Variants in RAB40B observed in about 807,000 individuals in gnomAD.
RAB40B encodes the protein ras-related protein Rab-40B.
In RAB40B, 21 loss-of-function variants were observed where a neutral mutation model predicts 24.0. The observed-to-expected ratio is 0.88, with a 90% CI of 0.62 to 1.26. The LOEUF is 1.26. RAB40B is among the 50% of genes most tolerant of loss of function. The pLI is 0.00. For synonymous variants in RAB40B, 167 were observed against 169.8 expected, an observed-to-expected ratio of 0.98 and a Z score of 0.13; for missense variants, 348 against 390.5, an observed-to-expected ratio of 0.89 and a Z score of 0.92.
At chr17:82,676,526 C>T (rs2143515592) in intron 1 of RAB40B, among the ~76,000 whole-genome samples, 1 of 152,116 alleles carries the variant, frequency 6.6e-6, no homozygotes, top group African/African-American at 2.4e-5. Flanking sequence ...TCTTCCCAGC[C>T]ACCCCTACAA....
Position 82,658,527 on chromosome 17 carries a change from G to A in RAB40B, c.529C>T (p.Arg177Trp), listed in dbSNP as rs759416119. The A allele has an allele frequency of 1.7e-5, 27 of 1,613,006 alleles. No individual in the cohort carries two copies. The highest frequency in any genetic ancestry group is 2.2e-5 in the East Asian group (1 of 44,880). Residue 177 changes from arginine (R) to tryptophan (W), a missense_variant, in exon 5 of 6, where the codon CGG (arginine) becomes TGG (tryptophan). This residue lies in a region of RAB40B where 126 missense variants were observed against 181.0 expected (regional missense o/e 0.70). Coordinates refer to ENST00000571995, the MANE Select transcript of RAB40B (RefSeq NM_006822.3). ...FTELARIVLL[R>W]HGMDRLWRPS... ...CGCCAGAGCCGGTCCATCCCATGCC[G>A]CAGCAGCACGATCCTGGCCAGCTCC...
intron 1 of RAB40B, among the ~76,000 whole-genome samples, chr17:82,693,938 C>T (rs190760742): frequency 1.3e-5 from 2 of 151,292 alleles, no homozygotes; most frequent in Admixed American, 1.3e-4. Context: ...CAAAAATTAG[C>T]CAGGCGTGGT....
rs374112410 is a variant in RAB40B, at chr17:82,674,205, T to C, written c.143-9649A>G. ...AAAATACAAAATTAGCCGGGTGTGG[T>C]GGCGGGTGCCTGTAATCCCAGCCAC... On this transcript the variant is annotated intron_variant, in intron 1 of 5. Coordinates refer to ENST00000571995, the MANE Select transcript of RAB40B (RefSeq NM_006822.3). Among the ~76,000 whole-genome samples the C allele has an allele frequency of 1.9e-4, 29 of 151,746 alleles. No homozygotes were observed. In the East Asian group the frequency reaches 3.5e-3, roughly 18 times the overall value.
intron 4 of RAB40B, chr17:82,658,989 A>G (rs1205426426): frequency 2.3e-6 from 1 of 428,456 alleles, no homozygotes; most frequent in Admixed American, 3.7e-5. Context: ...CAGAGGCTGG[A>G]GCGGTGCAGC....
At chr17:82,669,013 CAAGT>C (rs2046298921) in intron 1 of RAB40B, among the ~76,000 whole-genome samples, 1 of 152,220 alleles carries the variant, frequency 6.6e-6, no homozygotes, top group South Asian at 2.1e-4. Flanking sequence ...CCCAGGTGAC[CAAGT>C]GAGTATCAAG....
At chr17:82,698,348 C>G in intron 1 of RAB40B, 107 bp downstream of exon 1, 3 of 920,366 alleles carry the variant, frequency 3.3e-6, no homozygotes, top group Non-Finnish European at 4.1e-6. Context: ...GACCCCTGCC[C>G]GGTCTCGCGT....
chr17:82,656,571 C>T lies in RAB40B; in HGVS notation c.*1292G>A, dbSNP rs1300522701. 1.3e-5 allele frequency: 2 copies of T among 152,246 alleles called. No homozygotes were observed. Among genetic ancestry groups the T allele is most frequent in the Non-Finnish European group, 2.9e-5 (2 of 68,064 alleles). 9.4% of individuals were successfully genotyped at this position (152,246 alleles called of 1,614,324 possible). The stretch of plus-strand genomic sequence containing the variant: ...AGCTTTTAACTCTCCGCTCTCTCCT[C>T]CTCTGCACTTCTGTTCCGGAAAAGG... On this transcript the variant is annotated 3_prime_UTR_variant, in exon 6 of 6. Coordinates refer to ENST00000571995, the MANE Select transcript of RAB40B (RefSeq NM_006822.3).
intron 1 of RAB40B, among the ~76,000 whole-genome samples, chr17:82,693,306 C>T (rs965197551): frequency 2.0e-5 from 3 of 151,572 alleles, no homozygotes; most frequent in Admixed American, 6.6e-5. Context: ...CAGGCCCGGC[C>T]GACTTGGGCA....
intron 2 of RAB40B, chr17:82,662,024 A>G: frequency 2.0e-6 from 2 of 985,398 alleles, no homozygotes; most frequent in Middle Eastern, 5.2e-4. Context: ...GAACACACCT[A>G]CATCAATGGG....
intron 1 of RAB40B, among the ~76,000 whole-genome samples, chr17:82,679,681 C>T (rs571071353): frequency 3.5e-4 from 47 of 134,934 alleles, no homozygotes; most frequent in Middle Eastern, 3.7e-3. Flanking sequence ...GCAGAGGCCA[C>T]GCCAACCCTG....
At chr17:82,695,638 A>T (rs950247263) in intron 1 of RAB40B, among the ~76,000 whole-genome samples, 5 of 151,174 alleles carry the variant, frequency 3.3e-5, no homozygotes, top group African/African-American at 1.2e-4. Context: ...TGAACCCAGG[A>T]GGGTCAAGGC....
rs184869635 is a variant in RAB40B, at chr17:82,697,530, C to T, written c.142+925G>A. On this transcript the variant is annotated intron_variant, in intron 1 of 5. Coordinates refer to ENST00000571995, the MANE Select transcript of RAB40B (RefSeq NM_006822.3). This position sits in a 1 kb window ranked among gnomAD's most constrained non-coding sequence, Gnocchi z 4.9. ...TGGAAGCGTGGGTTCAGCCCCGAGG[C>T]GCGGCAGGAAGGTGGGCACAGGCTG... 1.3e-5 allele frequency among the ~76,000 whole-genome samples: 2 copies of T among 152,280 alleles called. No individual in the cohort carries two copies. The highest frequency in any genetic ancestry group is 2.9e-5 in the Non-Finnish European group (2 of 68,018).
At position 82,679,695 on chromosome 17, in the gene RAB40B, G is replaced by A. The variant is rs552523309; in HGVS notation, c.143-15139C>T. On this transcript the variant is annotated intron_variant, in intron 1 of 5. Transcript: ENST00000571995. ...TGCAGAGGCCACGCCAACCCTGTGC[G>A]GCCACTGCTGCCCCGCCCAGTCACT... is the stretch of plus-strand genomic sequence containing the variant. Among the ~76,000 whole-genome samples the A allele has an allele frequency of 4.5e-3, 678 of 152,356 alleles. 5 individuals carry two copies. Among genetic ancestry groups the A allele is most frequent in the Non-Finnish European group, 6.4e-3 (438 of 68,040 alleles).
chr17:82,698,672 C>G lies in RAB40B; in HGVS notation c.-76G>C. 9.0e-7 allele frequency: 1 copy of G among 1,108,946 alleles called. No individual in the cohort carries two copies. The highest frequency in any genetic ancestry group is 1.1e-6 in the Non-Finnish European group (1 of 895,302). The allele number at this position is 1,108,946 out of a possible 1,614,324, so 68.7% of individuals were successfully genotyped here. A position where few individuals can be genotyped will look rare whatever the true frequency, so the allele number is the denominator to read the frequency against. The stretch of plus-strand genomic sequence containing the variant: ...GAGGCGGCGGCCCGGCCCCGAGAGG[C>G]GCCGCGCGGGCCCCGAGTCCTTGCT... On this transcript the variant is annotated 5_prime_UTR_variant, in exon 1 of 6. Coordinates refer to ENST00000571995, the MANE Select transcript of RAB40B (RefSeq NM_006822.3).
chr17:82,690,237 T>C (rs2046542017), intron 1 of RAB40B, among the ~76,000 whole-genome samples: 2 of 148,108 alleles, frequency 1.4e-5, no homozygotes, highest in Non-Finnish European at 3.0e-5. Flanking sequence ...GAGCACGGAG[T>C]GTGCACACGT....
At chr17:82,688,216 T>G (rs903873398) in intron 1 of RAB40B, among the ~76,000 whole-genome samples, 1 of 152,038 alleles carries the variant, frequency 6.6e-6, no homozygotes, top group African/African-American at 2.4e-5. Context: ...GAGACGAGGT[T>G]TCCCTATATT....
intron 1 of RAB40B, among the ~76,000 whole-genome samples, chr17:82,694,091 A>AT (rs1337875724): frequency 2.1e-5 from 3 of 141,798 alleles, no homozygotes; most frequent in Admixed American, 7.0e-5. Context: ...TCAAAAAAAA[A>AT]AAAAAAAAAA....
chr17:82,659,437 C>G (rs1449030390), intron 4 of RAB40B, 143 bp downstream of exon 4: 1 of 707,702 alleles, frequency 1.4e-6, no homozygotes, highest in Non-Finnish European at 2.4e-6. Flanking sequence ...GTGAGGCACC[C>G]TCCTTCCTGC....
intron 1 of RAB40B, among the ~76,000 whole-genome samples, chr17:82,698,129 C>A (rs2046630894): frequency 6.6e-6 from 1 of 152,032 alleles, no homozygotes; most frequent in African/African-American, 2.4e-5. Context: ...CCGGCCCAGC[C>A]GCGGGCTCCC....
Sources: gnomAD v4.1 joint callset for allele counts (sites outside exome capture counted in the v4.1 genomes callset) on GRCh38, gnomAD v4.1.1 for gene constraint, gnomAD v4.1.1 regional missense constraint, Gnocchi (gnomAD v3.1) non-coding constraint, MANE v1.5 for transcripts, NCBI Gene and HGNC (gene_info 2026-07-23, HGNC 2026-07-21) for gene names.